Variants in TPM1 observed in about 807,000 individuals in gnomAD.
TPM1 encodes tropomyosin 1, also known as tropomyosin alpha-1 chain.
TPM1 carries 24 observed loss-of-function variants against 42.9 expected under a neutral mutation model. The ratio of observed to expected loss-of-function variants is 0.56; its 90% CI spans 0.41 to 0.79. The LOEUF (loss-of-function observed/expected upper bound fraction) is 0.79. Ranked by LOEUF, TPM1 falls within the 30% of genes least tolerant of loss-of-function variation. The probability of loss-of-function intolerance (pLI) is 0.00; values close to 1 mark genes in which losing one functional copy is unlikely to be tolerated. For missense variants in TPM1, 158 were observed against 351.8 expected (o/e 0.45, Z 4.41); for synonymous variants, 136 against 130.1 (o/e 1.05, Z -0.31).
At position 63,059,289 on chromosome 15, in the gene TPM1, G is replaced by A. The variant is rs4238372; in HGVS notation, c.375-274G>A. 0.81 allele frequency among the ~76,000 whole-genome samples: 123,313 copies of A among 152,178 alleles called. 50,184 individuals carry two copies. The highest frequency in any genetic ancestry group is 1 in the East Asian group (5,167 of 5,192). On this transcript the variant is annotated intron_variant, in intron 3 of 9. Coordinates refer to ENST00000403994, the MANE Select transcript of TPM1 (RefSeq NM_001018005.2). ...GCCAAGATTCAGACAGATTCCTGAC[G>A]TGGTACCTTTCGTCATCATTAATGT...
At chr15:63,048,311 G>A in intron 2 of TPM1, 1 of 920,116 alleles carries the variant, frequency 1.1e-6, no homozygotes, top group Non-Finnish European at 1.6e-6. Flanking sequence ...GCCGCCGCGA[G>A]CATGCGCAGT....
intron 2 of TPM1, chr15:63,048,531 G>T (rs2033008402): frequency 6.6e-7 from 1 of 1,506,790 alleles, no homozygotes; most frequent in Admixed American, 2.1e-5. Context: ...GGCAGCAGCC[G>T]GCCTCTCCCA....
chr15:63,071,202 CGTTTT>C (rs1555412188), exon 9 of TPM1: 59 of 1,596,592 alleles, frequency 3.7e-5, no homozygotes, highest in Non-Finnish European at 4.5e-5. Flanking sequence ...CACATTCTTT[CGTTTT>C]GTTTTGTTTT....
intron 4 of TPM1, 148 bp from the exon 5 acceptor site, chr15:63,060,721 G>A: frequency 1.2e-6 from 1 of 853,308 alleles, no homozygotes; most frequent in Non-Finnish European, 1.9e-6. Flanking sequence ...ATAGAGAGTT[G>A]CTTCTCTCTG....
intron 2 of TPM1, chr15:63,044,534 C>T: frequency 2.1e-6 from 1 of 474,226 alleles, no homozygotes. Context: ...TTTCCTTTTG[C>T]CGTTTCCAGT....
At chr15:63,051,893 GTTTTT>G (rs5813189) in intron 2 of TPM1, among the ~76,000 whole-genome samples, 1 of 96,998 alleles carries the variant, frequency 1.0e-5, no homozygotes, top group Non-Finnish European at 2.2e-5. Context: ...CATAAAAGTT[GTTTTT>G]TTTTTTTTTT....
rs1247572118 is a variant in TPM1 at position 63,053,689 on chromosome 15, TTTTG to T, written c.241-3292_241-3289del. 5.5e-3 allele frequency among the ~76,000 whole-genome samples: 457 copies of T among 83,508 alleles called. 18 individuals are homozygous for T. Among genetic ancestry groups the T allele is most frequent in the South Asian group, 0.011 (23 of 2,048 alleles). The allele number at this position is 83,508 out of a possible 152,430, so 54.8% of individuals were successfully genotyped here. Reference sequence around the variant, plus strand: ...GGAAGTTTGATTTTTTTTTTTTTTTTTTTGTTTTTGAGACAAGAGTCTTGCTCTG... The same window carrying T: ...GGAAGTTTGATTTTTTTTTTTTTTTTTTTTTGAGACAAGAGTCTTGCTCTG... On this transcript the variant is annotated intron_variant, in intron 2 of 9. Transcript: ENST00000403994.
Position 63,048,599 on chromosome 15 carries a change from G to C in TPM1, c.240+4447G>C, listed in dbSNP as rs768857765. The C allele has an allele frequency of 3.5e-5, 54 of 1,532,156 alleles. No individual in the cohort carries two copies. The highest frequency in any genetic ancestry group is 4.5e-5 in the Non-Finnish European group (51 of 1,141,768). 94.9% of individuals were successfully genotyped at this position (1,532,156 alleles called of 1,614,324 possible). A position where few individuals can be genotyped will look rare whatever the true frequency, so the allele number is the denominator to read the frequency against. ...CGATGGCGGGGAGTAGCTCGCTGGA[G>C]GCGGTGCGCAGGAAGATCCGGAGCC... is the stretch of plus-strand genomic sequence containing the variant. On this transcript the variant is annotated intron_variant, in intron 2 of 9. Coordinates refer to ENST00000403994, the MANE Select transcript of TPM1 (RefSeq NM_001018005.2).
rs577811957 is a variant in TPM1 at position 63,064,639 on chromosome 15, G to C, written c.851+497G>C. On this transcript the variant is annotated intron_variant, in intron 9 of 9. Coordinates refer to ENST00000403994, the MANE Select transcript of TPM1 (RefSeq NM_001018005.2). The stretch of plus-strand genomic sequence containing the variant: ...ATGATCCAATACAGCTTTAACAGTG[G>C]TACTACAAAAGATCATCTCTTTTAC... 10 of 1,001,344 alleles carry C rather than the reference G, an allele frequency of 1.0e-5. No individual in the cohort carries two copies. The African/African-American group carries it at 1.7e-4, about 17-fold the overall frequency. The allele number at this position is 1,001,344 out of a possible 1,614,324, so 62.0% of individuals were successfully genotyped here.
downstream of TPM1, chr15:63,070,902 T>G (rs2087006328): frequency 7.2e-7 from 1 of 1,384,270 alleles, no homozygotes; most frequent in Non-Finnish European, 9.4e-7. Flanking sequence ...CCATGGCTCC[T>G]TTGGGTCAAA....
intron 1 of TPM1, chr15:63,043,230 G>A (rs2031563957): frequency 3.8e-6 from 2 of 523,640 alleles, no homozygotes; most frequent in African/African-American, 3.8e-5. Context: ...CAGTTTGGGG[G>A]AGGGAGGAGG....
In TPM1 at chr15:63,042,957, C is replaced by A. The variant is rs576659891; in HGVS notation, c.114+14C>A. On this transcript the variant is annotated intron_variant, in intron 1 of 9. Coordinates refer to ENST00000403994, the MANE Select transcript of TPM1 (RefSeq NM_001018005.2). ...AGGAGCAAGCAGGTCTGCGCCTCCC[C>A]GGCCCTGCGCCCGCGCCCAGAGCGC... 1.3e-6 allele frequency: 2 copies of A among 1,578,622 alleles called. No homozygotes were observed. Among genetic ancestry groups the A allele is most frequent in the Non-Finnish European group, 1.7e-6 (2 of 1,161,740 alleles).
intron 3 of TPM1, 138 bp from the exon 4 acceptor site, chr15:63,059,425 G>C: frequency 3.1e-6 from 2 of 646,868 alleles, no homozygotes; most frequent in Non-Finnish European, 5.7e-6. Flanking sequence ...GTTGTTTCCT[G>C]GTTTGGAAAA....
At position 63,042,758 on chromosome 15, in the gene TPM1, CGCTCCTCCGCCCG is replaced by C. The variant is rs2031406746; in HGVS notation, c.-71_-59del. On this transcript the variant is annotated 5_prime_UTR_variant, in exon 1 of 10. Coordinates refer to ENST00000403994, the MANE Select transcript of TPM1 (RefSeq NM_001018005.2). ...GCAGGCGGCTCCGCGCTCGCACTCC[CGCTCCTCCGCCCG>C]ACCGCGCGCTCGCCCCGCCGCTCCT... is the stretch of plus-strand genomic sequence containing the variant. 2 of 1,315,718 alleles carry C rather than the reference CGCTCCTCCGCCCG, an allele frequency of 1.5e-6. No individual in the cohort carries two copies. Among genetic ancestry groups the C allele is most frequent in the African/African-American group, 2.9e-5 (2 of 68,898 alleles). The allele number at this position is 1,315,718 out of a possible 1,614,324, so 81.5% of individuals were successfully genotyped here.
At chr15:63,063,856 G>A (rs1210507400) in intron 8 of TPM1, 3 of 578,694 alleles carry the variant, frequency 5.2e-6, no homozygotes, top group African/African-American at 3.7e-5. Context: ...TTTTCTAATG[G>A]GTTTTGTTCT....
downstream of TPM1, chr15:63,070,995 G>A (rs1049303396): frequency 3.8e-5 from 60 of 1,594,184 alleles, no homozygotes; most frequent in Non-Finnish European, 5.1e-5. Flanking sequence ...ATCTCATCCT[G>A]TGTTTGTGAT....
intron 1 of TPM1, chr15:63,043,738 G>C: frequency 6.5e-7 from 1 of 1,549,174 alleles, no homozygotes; most frequent in Non-Finnish European, 8.7e-7. Context: ...AGGAGAAGTT[G>C]CTGCGGGTGT....
At chr15:63,053,983 G>GTT (rs574436453) in intron 2 of TPM1, among the ~76,000 whole-genome samples, 1 of 148,640 alleles carries the variant, frequency 6.7e-6, no homozygotes, top group African/African-American at 2.5e-5. Context: ...CCAGCTGAAA[G>GTT]TTTTTTTTTT....
chr15:63,065,634 C>T (rs779874585), intron 9 of TPM1: 32 of 984,868 alleles, frequency 3.2e-5, no homozygotes, highest in African/African-American at 7.0e-5. Context: ...TTCTGAAAGA[C>T]GAGTGTAGCT....
Sources: allele counts gnomAD v4.1 joint callset (sites outside exome capture counted in the v4.1 genomes callset), GRCh38; gene constraint gnomAD v4.1.1; transcripts MANE v1.5; gene names NCBI Gene and HGNC (gene_info 2026-07-23, HGNC 2026-07-21).